Variants in SNX29 observed in about 807,000 individuals in gnomAD.
The protein encoded by SNX29 is sorting nexin 29, also known as sorting nexin-29.
In SNX29, 78 loss-of-function variants were observed where a neutral mutation model predicts 102.1. The observed-to-expected ratio is 0.76, with a 90% CI of 0.64 to 0.92. The LOEUF (loss-of-function observed/expected upper bound fraction) is 0.92, where lower values mean the gene tolerates loss of function less well. SNX29 is among the 40% of genes least tolerant of loss of function. The pLI is 0.00. For missense variants in SNX29, 1,280 were observed against 1,061.7 expected, an observed-to-expected ratio of 1.21 and a Z score of -2.86; for synonymous variants, 580 against 414.5, an observed-to-expected ratio of 1.40 and a Z score of -4.85.
intron 19 of SNX29, among the ~76,000 whole-genome samples, chr16:12,508,552 T>C (rs2151911639): frequency 6.6e-6 from 1 of 152,366 alleles, no homozygotes; most frequent in Admixed American, 6.5e-5. Flanking sequence ...CCTAATGATC[T>C]GGATTTGCAG....
chr16:12,164,680 C>CTTTTTTT (rs34046413), intron 13 of SNX29, among the ~76,000 whole-genome samples: 1 of 90,606 alleles, frequency 1.1e-5, no homozygotes, highest in African/African-American at 5.1e-5. Flanking sequence ...TTATTCATGC[C>CTTTTTTT]TTTTTTTTTT....
intron 16 of SNX29, among the ~76,000 whole-genome samples, chr16:12,362,562 A>ACCCCCCCCCCCCCCCCCCCC (rs796459458): frequency 5.0e-5 from 1 of 19,984 alleles, no homozygotes; most frequent in African/African-American, 1.9e-4. Context: ...CTCCCCCCCC[A>ACCCCCCCCCCCCCCCCCCCC]CCCCCCCCCC....
intron 14 of SNX29, among the ~76,000 whole-genome samples, chr16:12,273,059 C>G (rs1042292943): frequency 2.0e-5 from 3 of 152,104 alleles, no homozygotes; most frequent in Non-Finnish European, 2.9e-5. Flanking sequence ...TTTTCCTGCA[C>G]GATCTCTTGA....
At chr16:12,297,771 G>A (rs543009092) in intron 15 of SNX29, among the ~76,000 whole-genome samples, 7 of 152,194 alleles carry the variant, frequency 4.6e-5, no homozygotes, top group South Asian at 2.1e-4. Flanking sequence ...GCGGAATATC[G>A]TTGATTGGCT....
intron 16 of SNX29, among the ~76,000 whole-genome samples, chr16:12,363,253 A>G (rs1327205151): frequency 1.3e-5 from 2 of 152,188 alleles, no homozygotes; most frequent in Non-Finnish European, 2.9e-5. Flanking sequence ...CAGAAGAAAG[A>G]AGGCCGTTTC....
chr16:11,987,270 A>G (rs967812189), intron 1 of SNX29, among the ~76,000 whole-genome samples: 16 of 150,616 alleles, frequency 1.1e-4, no homozygotes, highest in Admixed American at 7.3e-4. Flanking sequence ...AGGCCTTACT[A>G]TGTTGCCTAG....
chr16:12,351,583 T>C (rs2151295205), intron 15 of SNX29, among the ~76,000 whole-genome samples: 1 of 152,354 alleles, frequency 6.6e-6, no homozygotes, highest in Non-Finnish European at 1.5e-5. Context: ...AGAGGCGTTT[T>C]TGAAAAATTT....
intron 14 of SNX29, among the ~76,000 whole-genome samples, chr16:12,237,909 C>CTAAATAAA (rs553339927): frequency 6.6e-6 from 1 of 152,090 alleles, no homozygotes; most frequent in East Asian, 1.9e-4. Flanking sequence ...AACTCCTTTT[C>CTAAATAAA]TAAATAAATA....
intron 14 of SNX29, among the ~76,000 whole-genome samples, chr16:12,246,375 T>C (rs776745188): frequency 6.6e-6 from 1 of 152,136 alleles, no homozygotes; most frequent in African/African-American, 2.4e-5. Flanking sequence ...GCATGGTGGC[T>C]CACGCTTGTA....
At chr16:12,294,976 C>G (rs537862946) in intron 15 of SNX29, among the ~76,000 whole-genome samples, 1 of 152,256 alleles carries the variant, frequency 6.6e-6, no homozygotes, top group South Asian at 2.1e-4. Flanking sequence ...AAAGACACGT[C>G]TTACATGGCG....
intron 8 of SNX29, among the ~76,000 whole-genome samples, chr16:12,054,245 C>A (rs2151230198): frequency 6.6e-6 from 1 of 152,352 alleles, no homozygotes; most frequent in African/African-American, 2.4e-5. Context: ...GGATTACAGG[C>A]ATGAGCCACT....
intron 14 of SNX29, among the ~76,000 whole-genome samples, chr16:12,268,347 G>T (rs1256476120): frequency 6.6e-6 from 1 of 152,150 alleles, no homozygotes; most frequent in Non-Finnish European, 1.5e-5. Context: ...AGTTGTGTAG[G>T]AACTAAATGA....
intron 14 of SNX29, among the ~76,000 whole-genome samples, chr16:12,219,379 C>T (rs2077415309): frequency 6.6e-6 from 1 of 152,000 alleles, no homozygotes; most frequent in Admixed American, 6.6e-5. Flanking sequence ...CATTGAGACA[C>T]AACCTTCTGG....
At chr16:12,547,618 C>G (rs530659875) in intron 20 of SNX29, among the ~76,000 whole-genome samples, 1 of 152,134 alleles carries the variant, frequency 6.6e-6, no homozygotes, top group South Asian at 2.1e-4. Flanking sequence ...CTCAGCACCA[C>G]TAAGCTGTCC....
At chr16:12,127,717 T>C (rs962457786) in intron 12 of SNX29, among the ~76,000 whole-genome samples, 29 of 152,202 alleles carry the variant, frequency 1.9e-4, no homozygotes, top group Non-Finnish European at 4.4e-5. Context: ...CCACTGTGCC[T>C]GGCCTCTAGG....
rs142462525 is a variant in SNX29, at chr16:12,510,979, C to T, written c.2179-13723C>T. Among the ~76,000 whole-genome samples, 903 of 152,106 alleles carry T rather than the reference C, an allele frequency of 5.9e-3. 2 individuals are homozygous for T. Among genetic ancestry groups the T allele is most frequent in the South Asian group, 0.014 (66 of 4,818 alleles). ...CTTCTTGAGCAAAAGCACTCCCCCACAGAGTCTCACTCTGTCGCCCAGGCT... is the reference window on the plus strand; with the variant it reads ...CTTCTTGAGCAAAAGCACTCCCCCATAGAGTCTCACTCTGTCGCCCAGGCT... On this transcript the variant is annotated intron_variant, in intron 19 of 20. Coordinates refer to ENST00000566228, the MANE Select transcript of SNX29 (RefSeq NM_032167.5).
At chr16:12,502,354 A>G (rs1047837721) in intron 19 of SNX29, among the ~76,000 whole-genome samples, 3 of 152,054 alleles carry the variant, frequency 2.0e-5, no homozygotes, top group African/African-American at 7.2e-5. Flanking sequence ...CTCCCTTACG[A>G]GGGCGCTGTG....
chr16:12,459,821 T>A (rs2086701645), intron 18 of SNX29, among the ~76,000 whole-genome samples: 1 of 152,146 alleles, frequency 6.6e-6, no homozygotes, highest in African/African-American at 2.4e-5. Flanking sequence ...TGAGATACCC[T>A]TGTACCCGTC....
intron 20 of SNX29, among the ~76,000 whole-genome samples, chr16:12,565,632 T>C (rs2078969576): frequency 6.6e-6 from 1 of 152,174 alleles, no homozygotes; most frequent in South Asian, 2.1e-4. Flanking sequence ...GGCACAGACA[T>C]GTGACACATA....
Sources: gnomAD v4.1 joint callset for allele counts (sites outside exome capture counted in the v4.1 genomes callset) on GRCh38, gnomAD v4.1.1 for gene constraint, MANE v1.5 for transcripts, NCBI Gene and HGNC (gene_info 2026-07-23, HGNC 2026-07-21) for gene names.